The following TGS1 variants were observed in gnomAD, a reference collection of about 807,000 sequenced individuals.
TGS1 encodes the protein trimethylguanosine synthase 1, also known as trimethylguanosine synthase.
In TGS1, 69 loss-of-function variants were observed where a neutral mutation model predicts 92.2. The observed-to-expected ratio is 0.75, with a 90% CI of 0.62 to 0.91. TGS1 has a LOEUF of 0.91. TGS1 is among the 40% of genes least tolerant of loss of function. The pLI is 0.00. For synonymous variants in TGS1, 345 were observed against 338.1 expected (o/e 1.02, Z -0.22); for missense variants, 1,062 against 1,001.2 (o/e 1.06, Z -0.82).
intron 2 of TGS1, among the ~76,000 whole-genome samples, chr8:55,785,332 A>G (rs1387879363): frequency 6.6e-6 from 1 of 152,138 alleles, no homozygotes; most frequent in African/African-American, 2.4e-5. Context: ...CTGGGATTAC[A>G]GGTGTGAGCC....
chr8:55,817,563 CTG>C (rs1209158650), intron 12 of TGS1, among the ~76,000 whole-genome samples: 7 of 152,014 alleles, frequency 4.6e-5, no homozygotes, highest in African/African-American at 9.7e-5. Context: ...GTTATAGTAT[CTG>C]TGTATTTAAT....
intron 5 of TGS1, among the ~76,000 whole-genome samples, chr8:55,791,255 G>A (rs1317100550): frequency 1.3e-5 from 2 of 152,196 alleles, no homozygotes; most frequent in African/African-American, 2.4e-5. Flanking sequence ...CTGGTAAAAT[G>A]TAGCCAGGGA....
chr8:55,803,732 C>A (rs1812286449), intron 9 of TGS1, among the ~76,000 whole-genome samples: 1 of 148,214 alleles, frequency 6.7e-6, no homozygotes, highest in Non-Finnish European at 1.5e-5. Context: ...CTCACTCTGT[C>A]ACCCACGCTG....
At position 55,778,557 on chromosome 8, in the gene TGS1, T is replaced by C. The variant is rs75522273; in HGVS notation, c.102-4191T>C. Among the ~76,000 whole-genome samples, 788 of 152,314 alleles carry C rather than the reference T, an allele frequency of 5.2e-3. 4 individuals carry two copies. The highest frequency in any genetic ancestry group is 0.017 in the African/African-American group (726 of 41,564). ...TGTGACAGTGTCTGATGGTGATCTCTAGTCTTTCATATATGATACAACGAA... is the reference window on the plus strand; with the variant it reads ...TGTGACAGTGTCTGATGGTGATCTCCAGTCTTTCATATATGATACAACGAA... On this transcript the variant is annotated intron_variant, in intron 1 of 12. Transcript: ENST00000260129.
At chr8:55,784,448 C>A (rs1310974675) in intron 2 of TGS1, among the ~76,000 whole-genome samples, 1 of 152,062 alleles carries the variant, frequency 6.6e-6, no homozygotes, top group Non-Finnish European at 1.5e-5. Flanking sequence ...TCCCAAGTAG[C>A]AGGAACTACA....
At chr8:55,793,425 G>C (rs978561710) in intron 6 of TGS1, among the ~76,000 whole-genome samples, 1 of 152,128 alleles carries the variant, frequency 6.6e-6, no homozygotes, top group Non-Finnish European at 1.5e-5. Flanking sequence ...CCGGGAGGTT[G>C]AGGGTGCTGT....
chr8:55,777,094 A>G (rs1010495475), intron 1 of TGS1, among the ~76,000 whole-genome samples: 1 of 151,466 alleles, frequency 6.6e-6, no homozygotes, highest in Non-Finnish European at 1.5e-5. Flanking sequence ...TGCAGCCTCA[A>G]CTTCCCTGGC....
At chr8:55,791,655 G>A (rs1340618597) in intron 5 of TGS1, among the ~76,000 whole-genome samples, 1 of 152,196 alleles carries the variant, frequency 6.6e-6, no homozygotes, top group Non-Finnish European at 1.5e-5. Flanking sequence ...TCTCTCCTCA[G>A]TGAAACTCTA....
chr8:55,798,232 A>C (rs1249243191), intron 7 of TGS1, among the ~76,000 whole-genome samples: 2 of 152,202 alleles, frequency 1.3e-5, no homozygotes, highest in Non-Finnish European at 2.9e-5. Context: ...CTTCATTCTA[A>C]TTTACTCACT....
chr8:55,773,509 C>A lies in TGS1; in HGVS notation c.-110C>A. ...GCGGCCGCGGGCCAGTTTCTATCTCCTCATCCAGGGCTTGCGGGCGAGGCC... is the reference window on the plus strand; with the variant it reads ...GCGGCCGCGGGCCAGTTTCTATCTCATCATCCAGGGCTTGCGGGCGAGGCC... On this transcript the variant is annotated 5_prime_UTR_variant, in exon 1 of 13. Transcript: ENST00000260129. The A allele has an allele frequency of 1.3e-6, 1 of 757,432 alleles. No homozygotes were observed. Among genetic ancestry groups the A allele is most frequent in the South Asian group, 1.9e-5 (1 of 52,480 alleles). The allele number at this position is 757,432 out of a possible 1,614,324, so 46.9% of individuals were successfully genotyped here.
chr8:55,822,144 A>C (rs1010694395), intron 12 of TGS1, among the ~76,000 whole-genome samples: 8 of 149,988 alleles, frequency 5.3e-5, no homozygotes, highest in Non-Finnish European at 1.2e-4. Context: ...ATCTCAGCTC[A>C]CTGCAAGCTC....
At chr8:55,804,581 G>T (rs1485585591) in intron 9 of TGS1, among the ~76,000 whole-genome samples, 1 of 152,124 alleles carries the variant, frequency 6.6e-6, no homozygotes, top group African/African-American at 2.4e-5. Context: ...ATTTTCCACA[G>T]GAGTCAGTAG....
chr8:55,821,490 AACCCTC>A (rs1803632071), intron 12 of TGS1, among the ~76,000 whole-genome samples: 1 of 152,122 alleles, frequency 6.6e-6, no homozygotes, highest in South Asian at 2.1e-4. Flanking sequence ...ACATCTAGAC[AACCCTC>A]TGAAAGGTAT....
chr8:55,782,705 G>A, intron 1 of TGS1, 43 bp from the exon 2 acceptor site: 1 of 1,468,920 alleles, frequency 6.8e-7, no homozygotes, highest in Non-Finnish European at 9.3e-7. Flanking sequence ...CTAAACTGAT[G>A]GCTTAATTCA....
Position 55,824,570 on chromosome 8 carries a change from C to A in TGS1, c.2440-11C>A. On this transcript the variant is annotated splice_polypyrimidine_tract_variant and intron_variant, in intron 12 of 12. Coordinates refer to ENST00000260129, the MANE Select transcript of TGS1 (RefSeq NM_024831.8). ...GGTGTGTGTGTGACTTTCTTCTGTT[C>A]ATCTTTTTAGGTGGCATCCTTAGCT... The A allele has an allele frequency of 6.2e-7, 1 of 1,613,948 alleles. No individual in the cohort carries two copies. The highest frequency in any genetic ancestry group is 1.1e-5 in the South Asian group (1 of 91,012).
Position 55,773,547 on chromosome 8 carries a change from C to T in TGS1, c.-72C>T. On this transcript the variant is annotated 5_prime_UTR_variant, in exon 1 of 13. Transcript: ENST00000260129. The stretch of plus-strand genomic sequence containing the variant: ...TGCGGGCGAGGCCTGTTTTAAGTCT[C>T]CAGTAACCGAGCGGAGGCCCGGCAG... 8.2e-7 allele frequency: 1 copy of T among 1,217,066 alleles called. No homozygotes were observed. The highest frequency in any genetic ancestry group is 1.3e-5 in the South Asian group (1 of 77,756). The allele number at this position is 1,217,066 out of a possible 1,614,324, so 75.4% of individuals were successfully genotyped here. A position where few individuals can be genotyped will look rare whatever the true frequency, so the allele number is the denominator to read the frequency against.
intron 1 of TGS1, among the ~76,000 whole-genome samples, chr8:55,779,402 C>T (rs977527926): frequency 1.3e-5 from 2 of 152,242 alleles, no homozygotes; most frequent in East Asian, 1.9e-4. Context: ...ATTTACCTCT[C>T]ACCCATGAGG....
At chr8:55,819,762 C>T (rs1056475441) in intron 12 of TGS1, among the ~76,000 whole-genome samples, 1 of 152,180 alleles carries the variant, frequency 6.6e-6, no homozygotes, top group Admixed American at 6.5e-5. Context: ...TGATTTTCTG[C>T]TGACTAAAAA....
rs1554559799 is a variant in TGS1 at position 55,787,035 on chromosome 8, T to C, written c.1137T>C (p.Asn379=). ...ATGAGGAAAGCAACTCATCGGGGAATACAAACACAGACCCACCAGCTGAGG... is the reference window on the plus strand; with the variant it reads ...ATGAGGAAAGCAACTCATCGGGGAACACAAACACAGACCCACCAGCTGAGG... The part of the protein sequence containing the change: ...GTNEESNSSG[N]TNTDPPAEDS... The change falls in exon 4 of 13, where the codon AAT becomes AAC. Residue 379 remains asparagine (N), a synonymous_variant. Transcript: ENST00000260129. 9.9e-6 allele frequency: 16 copies of C among 1,613,120 alleles called. No individual in the cohort carries two copies. The South Asian group carries it at 1.8e-4, about 18-fold the overall frequency.
Sources: allele counts gnomAD v4.1 joint callset (sites outside exome capture counted in the v4.1 genomes callset), GRCh38; gene constraint gnomAD v4.1.1; transcripts MANE v1.5; gene names NCBI Gene and HGNC (gene_info 2026-07-23, HGNC 2026-07-21).